Variants in NAT10 observed in about 807,000 individuals in gnomAD.
The protein encoded by NAT10 is RNA cytidine acetyltransferase.
A neutral mutation model predicts 132.2 loss-of-function variants in NAT10; 109 were observed. The observed-to-expected ratio is 0.82, with a 90% CI of 0.71 to 0.97. The LOEUF is 0.97. Ranked by LOEUF, NAT10 falls within the 50% of genes least tolerant of loss-of-function variation. The probability of loss-of-function intolerance (pLI) is 0.00; values close to 1 mark genes in which losing one functional copy is unlikely to be tolerated. For missense variants in NAT10, 1,184 were observed against 1,263.4 expected, an observed-to-expected ratio of 0.94 and a Z score of 0.95; for synonymous variants, 479 against 478.0, an observed-to-expected ratio of 1.00 and a Z score of -0.03.
chr11:34,137,148 C>T (rs1351256277), intron 21 of NAT10, 122 bp downstream of exon 21: 3 of 1,035,476 alleles, frequency 2.9e-6, no homozygotes, highest in Non-Finnish European at 4.4e-6. Flanking sequence ...GGCTGTGCCT[C>T]TGAAGAGGTT....
At chr11:34,118,041 G>C (rs1851814403) in intron 6 of NAT10, 139 bp from the exon 7 acceptor site, 1 of 628,712 alleles carries the variant, frequency 1.6e-6, no homozygotes, top group Admixed American at 2.8e-5. Flanking sequence ...ATCTCACACT[G>C]CTCTCCAACT....
intron 1 of NAT10, among the ~76,000 whole-genome samples, chr11:34,106,318 T>C (rs1436591479): frequency 6.6e-6 from 1 of 151,566 alleles, no homozygotes; most frequent in Non-Finnish European, 1.5e-5. Context: ...GAGCGAAAAA[T>C]AATCATCTCC....
In NAT10 at chr11:34,140,488, C is replaced by T. The variant is rs376972611; in HGVS notation, c.2508C>T (p.His836=). Residue 836 remains histidine, a synonymous_variant, in exon 24 of 29, where the codon CAC becomes CAT. Coordinates refer to ENST00000257829, the MANE Select transcript of NAT10 (RefSeq NM_024662.3). Reference sequence around the variant, plus strand: ...ATTCACGGAATATGGTGGACTATCACCTCATCATGGACATGATCCCGGCCA... The same window carrying T: ...ATTCACGGAATATGGTGGACTATCATCTCATCATGGACATGATCCCGGCCA... The part of the protein sequence containing the change: ...EMYSRNMVDY[H]LIMDMIPAIS... 7.4e-6 allele frequency: 12 copies of T among 1,614,170 alleles called. No homozygotes were observed. Among genetic ancestry groups the T allele is most frequent in the Non-Finnish European group, 9.3e-6 (11 of 1,180,018 alleles).
At chr11:34,114,270 C>A (rs1463205984) in intron 5 of NAT10, among the ~76,000 whole-genome samples, 3 of 152,150 alleles carry the variant, frequency 2.0e-5, no homozygotes, top group African/African-American at 7.2e-5. Flanking sequence ...GCAAGAATTT[C>A]AACTCCAGCA....
intron 15 of NAT10, 107 bp from the exon 16 acceptor site, chr11:34,132,919 C>T (rs970420256): frequency 1.2e-6 from 1 of 861,048 alleles, no homozygotes; most frequent in East Asian, 2.5e-5. Context: ...CCTCACTTGG[C>T]TTTGGAGAAG....
chr11:34,108,417 A>G, intron 2 of NAT10, 84 bp downstream of exon 2: 2 of 1,109,090 alleles, frequency 1.8e-6, no homozygotes, highest in South Asian at 1.3e-5. Context: ...GTTTCAGGAC[A>G]TAATGGCATT....
Position 34,140,572 on chromosome 11 carries a change from G to T in NAT10, c.2592G>T (p.Ser864=). 1 of 1,613,444 alleles carries T rather than the reference G, an allele frequency of 6.2e-7. No individual in the cohort carries two copies. Among genetic ancestry groups the T allele is most frequent in the Non-Finnish European group, 8.5e-7 (1 of 1,179,534 alleles). The change falls in exon 24 of 29, where the codon TCG becomes TCT. Residue 864 remains serine, a splice_region_variant and synonymous_variant. Transcript: ENST00000257829. ...ACCTGGCCCTGTCTGCGGCTCAGTC[G>T]GTATGCTATCTGTTGCTTGCGTGGA... The part of the protein sequence containing the change: ...LGDLALSAAQ[S]ALLLGIGLQH...
intron 4 of NAT10, among the ~76,000 whole-genome samples, chr11:34,113,095 A>G (rs1381549638): frequency 6.6e-6 from 1 of 152,092 alleles, no homozygotes; most frequent in African/African-American, 2.4e-5. Context: ...CTGGGTTATC[A>G]CTGATTGGTA....
chr11:34,112,157 T>G lies in NAT10; in HGVS notation c.306T>G (p.Ile102Met). ...AACTCTTCATAGCAGCCACAAACAT[T>G]CGCTACTGCTACTACAACGAGACCC... is the stretch of plus-strand genomic sequence containing the variant. The part of the protein sequence containing the change: ...PFELFIAATN[I>M]RYCYYNETHK... Residue 102 changes from isoleucine to methionine, a missense_variant, in exon 4 of 29, where the codon ATT becomes ATG. Coordinates refer to ENST00000257829, the MANE Select transcript of NAT10 (RefSeq NM_024662.3). The G allele has an allele frequency of 6.2e-7, 1 of 1,614,180 alleles. No homozygotes were observed. Among genetic ancestry groups the G allele is most frequent in the Non-Finnish European group, 8.5e-7 (1 of 1,180,032 alleles).
intron 8 of NAT10, among the ~76,000 whole-genome samples, chr11:34,121,832 C>A (rs1232112507): frequency 1.5e-5 from 2 of 134,722 alleles, no homozygotes; most frequent in Non-Finnish European, 3.1e-5. Flanking sequence ...TGCACTCCAG[C>A]CTGGTGACAG....
chr11:34,137,357 G>C (rs1420691336), intron 21 of NAT10, among the ~76,000 whole-genome samples: 3 of 152,330 alleles, frequency 2.0e-5, no homozygotes, highest in African/African-American at 7.2e-5. Context: ...TGAGAAACTG[G>C]GTGTTGGAGG....
intron 16 of NAT10, among the ~76,000 whole-genome samples, 168 bp from the exon 17 acceptor site, chr11:34,134,151 G>T (rs1037753714): frequency 2.6e-5 from 4 of 152,178 alleles, no homozygotes; most frequent in African/African-American, 9.7e-5. Context: ...GCGACAGAGT[G>T]AGACTCCATC....
intron 12 of NAT10, among the ~76,000 whole-genome samples, chr11:34,130,383 C>T (rs767380782): frequency 7.9e-5 from 12 of 152,212 alleles, no homozygotes; most frequent in Non-Finnish European, 7.3e-5. Context: ...CTTCTAAAAG[C>T]AGCTCCGTTA....
chr11:34,112,329 C>T lies in NAT10; in HGVS notation c.372+106C>T, dbSNP rs1444825386. ...ATGTACAGTAAGGAGAGGAGAGTCCCATGTTCCCTATGCCCAAGCATTATT... is the reference window on the plus strand; with the variant it reads ...ATGTACAGTAAGGAGAGGAGAGTCCTATGTTCCCTATGCCCAAGCATTATT... On this transcript the variant is annotated intron_variant, in intron 4 of 28. Coordinates refer to ENST00000257829, the MANE Select transcript of NAT10 (RefSeq NM_024662.3). 3 of 1,340,936 alleles carry T rather than the reference C, an allele frequency of 2.2e-6. No individual in the cohort carries two copies. The African/African-American group carries it at 4.3e-5, about 19-fold the overall frequency. The allele number at this position is 1,340,936 out of a possible 1,614,324, so 83.1% of individuals were successfully genotyped here.
At position 34,139,392 on chromosome 11, in the gene NAT10, A is replaced by G. The variant is rs112780754; in HGVS notation, c.2316A>G (p.Arg772=). 10 of 1,613,902 alleles carry G rather than the reference A, an allele frequency of 6.2e-6. No homozygotes were observed. Among genetic ancestry groups the G allele is most frequent in the African/African-American group, 4.0e-5 (3 of 74,884 alleles). Residue 772 remains arginine, a synonymous_variant, in exon 23 of 29, where the codon CGA becomes CGG. Coordinates refer to ENST00000257829, the MANE Select transcript of NAT10 (RefSeq NM_024662.3). ...CGTGATGGCACCCCACAGATTTCCG[A>G]CGGCGGTTCCTAGCCTTGCTCTCCT... is the stretch of plus-strand genomic sequence containing the variant. ...GWLAAFWKDF[R]RRFLALLSYQ...
chr11:34,137,855 G>A (rs150436352), intron 21 of NAT10, among the ~76,000 whole-genome samples: 2 of 152,284 alleles, frequency 1.3e-5, no homozygotes, highest in Non-Finnish European at 1.5e-5. Context: ...AGTGGGAATG[G>A]GAGTCAGCCC....
rs763378475 is a variant in NAT10, at chr11:34,133,100, C to T, written c.1692C>T (p.Pro564=). 2 of 1,614,122 alleles carry T rather than the reference C, an allele frequency of 1.2e-6. No homozygotes were observed. Among genetic ancestry groups the T allele is most frequent in the South Asian group, 2.2e-5 (2 of 91,080 alleles). The change falls in exon 16 of 29, where the codon CCC becomes CCT. Residue 564 remains proline (P), a synonymous_variant. Coordinates refer to ENST00000257829, the MANE Select transcript of NAT10 (RefSeq NM_024662.3). ...HHLFCLLPPV[P]PTQNALPEVL... is the part of the protein sequence containing the mutation. ...TCTTCTGCCTTCTGCCTCCCGTGCC[C>T]CCCACCCAGAATGCCCTTCCAGAAG...
In NAT10 at chr11:34,139,496, G is replaced by A. The variant is rs764373271; in HGVS notation, c.2419+1G>A. The A allele has an allele frequency of 1.2e-6, 2 of 1,612,956 alleles. No homozygotes were observed. The highest frequency in any genetic ancestry group is 3.3e-5 in the Admixed American group (2 of 60,014). On this transcript the variant is annotated splice_donor_variant, in intron 23 of 28. Transcript: ENST00000257829. LOFTEE classifies it high-confidence loss of function. ...AACATGGGGAAGCCAGCCCAGCCTG[G>A]TGAGCCGGGTGGGGACAGGGAGGAG...
Position 34,113,829 on chromosome 11 carries a change from A to T in NAT10, c.486A>T (p.Thr162=), listed in dbSNP as rs551246719. The T allele has an allele frequency of 7.3e-5, 118 of 1,613,382 alleles. 1 individual carries two copies. In the South Asian group the frequency reaches 1.3e-3, roughly 17 times the overall value. ...TGAACTCACTCAAGCAATTGTACAC[A>T]GTGACTATGGTAAGCATCTGTTTTT... ...RTMNSLKQLY[T]VTMDVHSRYR... is the part of the protein sequence containing the mutation. The change falls in exon 5 of 29, where the codon ACA becomes ACT. Residue 162 remains threonine (T), a synonymous_variant. Transcript: ENST00000257829.
Sources: allele counts gnomAD v4.1 joint callset (sites outside exome capture counted in the v4.1 genomes callset), GRCh38; gene constraint gnomAD v4.1.1; transcripts MANE v1.5; gene names NCBI Gene and HGNC (gene_info 2026-07-23, HGNC 2026-07-21).